PLEKHD1: variants seen among roughly 807,000 people sequenced by gnomAD.
PLEKHD1 encodes the protein pleckstrin homology and coiled-coil domain containing D1, also known as pleckstrin homology domain-containing family D member 1.
Under a neutral mutation model 69.2 loss-of-function variants are expected in PLEKHD1, and 51 were observed. The observed-to-expected ratio is 0.74, with a 90% CI of 0.59 to 0.93. The LOEUF is 0.93. Ranked by LOEUF, PLEKHD1 falls within the 40% of genes least tolerant of loss-of-function variation. The pLI, the probability that PLEKHD1 is intolerant of heterozygous loss-of-function variation, is 0.00. For missense variants in PLEKHD1, 584 were observed against 641.0 expected, an observed-to-expected ratio of 0.91 and a Z score of 0.96; for synonymous variants, 236 against 244.7, an observed-to-expected ratio of 0.96 and a Z score of 0.33.
At chr14:69,510,186 G>C (rs1883240481) in intron 6 of PLEKHD1, among the ~76,000 whole-genome samples, 2 of 152,048 alleles carry the variant, frequency 1.3e-5, no homozygotes, top group Non-Finnish European at 2.9e-5. Flanking sequence ...TGGGTGTTTT[G>C]CCTCTCCATG....
In PLEKHD1 at chr14:69,530,620, C is replaced by A. The variant is rs1883770800; in HGVS notation, c.*2201C>A. The A allele has an allele frequency of 6.6e-6, 1 of 152,124 alleles. No individual in the cohort carries two copies. Among genetic ancestry groups the A allele is most frequent in the Admixed American group, 6.5e-5 (1 of 15,268 alleles). 9.4% of individuals were successfully genotyped at this position (152,124 alleles called of 1,614,324 possible). On this transcript the variant is annotated 3_prime_UTR_variant, in exon 13 of 13. Transcript: ENST00000322564. Reference sequence around the variant, plus strand: ...GCTAGTCTTCGTTTGCTTTGTACTGCTGTAACAGAATACCTGAGACTGGGT... The same window carrying A: ...GCTAGTCTTCGTTTGCTTTGTACTGATGTAACAGAATACCTGAGACTGGGT...
the PLEKHD1 span, among the ~76,000 whole-genome samples, chr14:69,479,384 A>C: frequency 2.0e-5 from 3 of 152,230 alleles, no homozygotes; most frequent in Non-Finnish European, 4.4e-5. Flanking sequence ...GGCTTTACAC[A>C]AGAGACTTAC....
At chr14:69,499,225 GCACACA>G (rs10551303) in intron 1 of PLEKHD1, among the ~76,000 whole-genome samples, 5,086 of 144,360 alleles carry the variant, frequency 0.035, 95 homozygotes, top group African/African-American at 0.054. Flanking sequence ...TCTCATACGT[GCACACA>G]CACACACACA....
chr14:69,480,943 A>G (rs1882530942), upstream of PLEKHD1, among the ~76,000 whole-genome samples: 1 of 152,232 alleles, frequency 6.6e-6, no homozygotes, highest in Non-Finnish European at 1.5e-5. Flanking sequence ...ATGGGCCACC[A>G]CGCGCAGCCT....
chr14:69,525,992 G>A lies in PLEKHD1; in HGVS notation c.793G>A (p.Glu265Lys), dbSNP rs185074000. The A allele has an allele frequency of 1.6e-4, 248 of 1,551,612 alleles. No individual in the cohort carries two copies. The highest frequency in any genetic ancestry group is 1.4e-3 in the Admixed American group (69 of 50,992). ...KKTLEMLEEN[E>K]NHLQTLANQS... ...AACCCTGGAAATGCTGGAGGAGAAC[G>A]AGAACCACCTGCAGACACTGGCCAA... is the stretch of plus-strand genomic sequence containing the variant. Residue 265 changes from glutamate (E) to lysine (K), a missense_variant, in exon 9 of 13, where the codon GAG (glutamate) becomes AAG (lysine). Coordinates refer to ENST00000322564, the MANE Select transcript of PLEKHD1 (RefSeq NM_001161498.2).
In PLEKHD1 at chr14:69,527,860, C is replaced by T. The variant is rs1883693434; in HGVS notation, c.1279C>T (p.His427Tyr). ...GATCATGAAGAACTCCGTGTACATC[C>T]ATAAGGCAGCCACTCGCCGCATCAA... ...PVIMKNSVYI[H>Y]KAATRRIKSC... is the part of the protein sequence containing the mutation. Residue 427 changes from histidine to tyrosine, a missense_variant, in exon 12 of 13, where the codon CAT becomes TAT. Coordinates refer to ENST00000322564, the MANE Select transcript of PLEKHD1 (RefSeq NM_001161498.2). 1.9e-6 allele frequency: 3 copies of T among 1,551,478 alleles called. No individual in the cohort carries two copies. The highest frequency in any genetic ancestry group is 2.6e-6 in the Non-Finnish European group (3 of 1,147,004).
chr14:69,473,099 G>A, the PLEKHD1 span, among the ~76,000 whole-genome samples: 5 of 152,234 alleles, frequency 3.3e-5, no homozygotes, highest in African/African-American at 9.6e-5. Flanking sequence ...ATTATGGTGA[G>A]TTGTATAATT....
chr14:69,526,420 A>T (rs931574884), intron 9 of PLEKHD1, among the ~76,000 whole-genome samples: 1 of 152,134 alleles, frequency 6.6e-6, no homozygotes, highest in Non-Finnish European at 1.5e-5. Flanking sequence ...CAAATGAGGA[A>T]ATGGAGCCTC....
intron 7 of PLEKHD1, among the ~76,000 whole-genome samples, chr14:69,523,025 T>C (rs1483864123): frequency 6.6e-6 from 1 of 152,218 alleles, no homozygotes; most frequent in East Asian, 1.9e-4. Context: ...CCCCGCCTCC[T>C]GGGTTCAAGT....
rs184818094 is a variant in PLEKHD1 at position 69,509,198 on chromosome 14, G to A, written c.555+6319G>A. Among the ~76,000 whole-genome samples the A allele has an allele frequency of 2.4e-4, 37 of 152,176 alleles. 1 individual carries two copies. The highest frequency in any genetic ancestry group is 8.9e-4 in the African/African-American group (37 of 41,508). Reference sequence around the variant, plus strand: ...TTATATCTTCTTTGCTAAGATGTCTGGGTCTTTTGCCCATTTTTTTATTGT... The same window carrying A: ...TTATATCTTCTTTGCTAAGATGTCTAGGTCTTTTGCCCATTTTTTTATTGT... On this transcript the variant is annotated intron_variant, in intron 6 of 12. Transcript: ENST00000322564.
At chr14:69,496,902 T>G (rs1219244851) in intron 1 of PLEKHD1, among the ~76,000 whole-genome samples, 1 of 151,990 alleles carries the variant, frequency 6.6e-6, no homozygotes, top group Non-Finnish European at 1.5e-5. Context: ...GGCCCTACCC[T>G]TAAGACCTTC....
At chr14:69,518,112 A>G in intron 6 of PLEKHD1, among the ~76,000 whole-genome samples, 1 of 151,306 alleles carries the variant, frequency 6.6e-6, no homozygotes, top group Non-Finnish European at 1.5e-5. Flanking sequence ...GCTCACTGCA[A>G]CCTCTGTCCC....
intron 1 of PLEKHD1, 43 bp downstream of exon 1, chr14:69,485,157 G>A: frequency 6.5e-7 from 1 of 1,533,130 alleles, no homozygotes; most frequent in Non-Finnish European, 8.8e-7. Context: ...CGGGGAGAGA[G>A]CCTGGGCGTC....
At chr14:69,485,496 T>C (rs182281763) in intron 1 of PLEKHD1, among the ~76,000 whole-genome samples, 8 of 152,170 alleles carry the variant, frequency 5.3e-5, no homozygotes, top group Admixed American at 2.0e-4. Flanking sequence ...CACTGTCAAT[T>C]CCATCGTCTT....
chr14:69,493,825 A>C (rs1352904398), intron 1 of PLEKHD1, among the ~76,000 whole-genome samples: 2 of 152,214 alleles, frequency 1.3e-5, no homozygotes, highest in Admixed American at 6.5e-5. Flanking sequence ...TACCTCACCC[A>C]ATGCTCCGGG....
Position 69,484,746 on chromosome 14 carries a change from T to G in PLEKHD1, c.-220T>G. ...TCCCCGCGGAGTTCCCGCCCGGCCC[T>G]CTGCAATCCGGAGCCCAAGCCGCCG... On this transcript the variant is annotated 5_prime_UTR_variant, in exon 1 of 13. Coordinates refer to ENST00000322564, the MANE Select transcript of PLEKHD1 (RefSeq NM_001161498.2). 1 of 519,920 alleles carries G rather than the reference T, an allele frequency of 1.9e-6. No individual in the cohort carries two copies. The highest frequency in any genetic ancestry group is 3.4e-6 in the Non-Finnish European group (1 of 298,218). The allele number at this position is 519,920 out of a possible 1,614,324, so 32.2% of individuals were successfully genotyped here.
chr14:69,516,385 C>A (rs1345229996), intron 6 of PLEKHD1, among the ~76,000 whole-genome samples: 2 of 151,982 alleles, frequency 1.3e-5, no homozygotes, highest in African/African-American at 2.4e-5. Context: ...TCTCTATATA[C>A]TATTCTTATA....
At chr14:69,520,221 C>G (rs1217784774) in intron 6 of PLEKHD1, among the ~76,000 whole-genome samples, 1 of 145,706 alleles carries the variant, frequency 6.9e-6, no homozygotes. Context: ...TGTTATTTTC[C>G]AGTGTAAGCC....
intron 1 of PLEKHD1, among the ~76,000 whole-genome samples, chr14:69,497,145 G>A (rs1882907550): frequency 1.3e-5 from 2 of 152,138 alleles, no homozygotes; most frequent in South Asian, 4.2e-4. Context: ...AGATTGGTGG[G>A]GTGATGAGCG....
Sources: allele counts gnomAD v4.1 joint callset (sites outside exome capture counted in the v4.1 genomes callset), GRCh38; gene constraint gnomAD v4.1.1; transcripts MANE v1.5; gene names NCBI Gene and HGNC (gene_info 2026-07-23, HGNC 2026-07-21).